The following SATB2 variants were observed in gnomAD, a reference collection of about 807,000 sequenced individuals.
The protein encoded by SATB2 is SATB homeobox 2.
SATB2 carries 1 observed loss-of-function variant against 73.4 expected under a neutral mutation model. The ratio of observed to expected loss-of-function variants is 0.01; its 90% CI spans 0.00 to 0.06. SATB2 has a LOEUF of 0.06. Ranked by LOEUF, SATB2 falls within the 10% of genes least tolerant of loss-of-function variation. The probability of loss-of-function intolerance (pLI) is 1.00; values close to 1 mark genes in which losing one functional copy is unlikely to be tolerated. For missense variants in SATB2, 459 were observed against 945.8 expected, an observed-to-expected ratio of 0.49 and a Z score of 6.75; for synonymous variants, 397 against 367.0, an observed-to-expected ratio of 1.08 and a Z score of -0.93.
At chr2:199,398,577 C>T (rs1490050232) in intron 3 of SATB2, among the ~76,000 whole-genome samples, 1 of 152,124 alleles carries the variant, frequency 6.6e-6, no homozygotes, top group East Asian at 1.9e-4. Context: ...GACCAAGTCA[C>T]CCACACTCAG....
chr2:199,413,570 G>A (rs907952348), intron 3 of SATB2, among the ~76,000 whole-genome samples: 1 of 148,444 alleles, frequency 6.7e-6, no homozygotes, highest in African/African-American at 2.5e-5. Flanking sequence ...TTTCCTACTA[G>A]AGAGTCGCTT....
chr2:199,352,535 G>A (rs1030205416), intron 6 of SATB2, among the ~76,000 whole-genome samples: 2 of 152,094 alleles, frequency 1.3e-5, no homozygotes, highest in African/African-American at 4.8e-5. Flanking sequence ...TAGTTAAGAA[G>A]AGCAACTATG....
At chr2:199,355,348 C>CTATATATATATA (rs72202602) in intron 6 of SATB2, among the ~76,000 whole-genome samples, 2,096 of 134,074 alleles carry the variant, frequency 0.016, 168 homozygotes, top group East Asian at 0.065. Flanking sequence ...GTGTGTGTAT[C>CTATATATATATA]TATATATATA....
intron 6 of SATB2, among the ~76,000 whole-genome samples, chr2:199,354,900 A>C (rs1688926081): frequency 6.6e-6 from 1 of 152,238 alleles, no homozygotes; most frequent in African/African-American, 2.4e-5. Context: ...ACAATGCTCT[A>C]ACCAAGAGCA....
intron 7 of SATB2, chr2:199,348,145 A>G (rs1688708724): frequency 6.6e-6 from 1 of 152,376 alleles, no homozygotes; most frequent in Admixed American, 6.5e-5. Flanking sequence ...ATTCTCTCAA[A>G]CATTAAAAAT....
chr2:199,307,222 T>C (rs951238649), intron 10 of SATB2, among the ~76,000 whole-genome samples: 1 of 152,152 alleles, frequency 6.6e-6, no homozygotes, highest in Non-Finnish European at 1.5e-5. Context: ...TATCAAAGAG[T>C]ATGTTATGAA....
chr2:199,415,152 A>T (rs13387074), intron 3 of SATB2, among the ~76,000 whole-genome samples: 8,003 of 152,306 alleles, frequency 0.053, 718 homozygotes, highest in African/African-American at 0.18. Flanking sequence ...GACCTGAAGC[A>T]AGAAACGCTC....
rs1480791365 is a variant in SATB2, at chr2:199,328,769, G to A, written c.1315C>T (p.Arg439Trp). Residue 439 changes from arginine (R) to tryptophan (W), a missense_variant, in exon 8 of 11, where the codon CGG becomes TGG. Transcript: ENST00000417098. ...ATGCTCACATTGGGATTCATGCTCC[G>A]CTCCCTCTCATCCTGGTAGATGCGA... ...RDRIYQDERE[R>W]SMNPNVSMVS... 6.2e-7 allele frequency: 1 copy of A among 1,613,942 alleles called. No individual in the cohort carries two copies. Among genetic ancestry groups the A allele is most frequent in the Middle Eastern group, 1.7e-4 (1 of 6,028 alleles).
At chr2:199,322,736 T>G (rs1382248441) in intron 9 of SATB2, among the ~76,000 whole-genome samples, 1 of 152,158 alleles carries the variant, frequency 6.6e-6, no homozygotes, top group African/African-American at 2.4e-5. Context: ...AAATATAACA[T>G]TTAACTACAG....
chr2:199,374,804 A>C (rs1177659667), intron 5 of SATB2, among the ~76,000 whole-genome samples: 1 of 151,998 alleles, frequency 6.6e-6, no homozygotes, highest in Non-Finnish European at 1.5e-5. Flanking sequence ...TCTCTACTAA[A>C]AACACAAAAA....
At chr2:199,364,634 G>T (rs1689231781) in intron 6 of SATB2, among the ~76,000 whole-genome samples, 1 of 151,952 alleles carries the variant, frequency 6.6e-6, no homozygotes, top group Non-Finnish European at 1.5e-5. Context: ...TCATTCTAAT[G>T]GTATTATTTT....
intron 3 of SATB2, among the ~76,000 whole-genome samples, chr2:199,408,948 T>C (rs1056119874): frequency 1.3e-5 from 2 of 152,084 alleles, no homozygotes; most frequent in Non-Finnish European, 2.9e-5. Context: ...TGGGAAAAGA[T>C]ATATTAATTA....
At chr2:199,421,275 G>C (rs1210884829) in intron 3 of SATB2, among the ~76,000 whole-genome samples, 1 of 152,174 alleles carries the variant, frequency 6.6e-6, no homozygotes, top group Non-Finnish European at 1.5e-5. Context: ...AAGGGAGACA[G>C]AGAGATGCTT....
intron 9 of SATB2, among the ~76,000 whole-genome samples, chr2:199,309,214 C>T (rs1687525765): frequency 6.6e-6 from 1 of 152,154 alleles, no homozygotes; most frequent in Non-Finnish European, 1.5e-5. Context: ...ATTGCAGTTT[C>T]TCTGTAAAAG....
intron 10 of SATB2, among the ~76,000 whole-genome samples, chr2:199,292,084 A>C (rs891879123): frequency 1.3e-5 from 2 of 152,130 alleles, no homozygotes; most frequent in Non-Finnish European, 2.9e-5. Flanking sequence ...TAAAAAAAAA[A>C]CACTTCATAG....
intron 7 of SATB2, among the ~76,000 whole-genome samples, chr2:199,329,659 A>G (rs1401244603): frequency 6.6e-6 from 1 of 152,160 alleles, no homozygotes; most frequent in Non-Finnish European, 1.5e-5. Context: ...ACGGAATGCC[A>G]TGATAGGCCC....
At chr2:199,278,858 T>G (rs1231148242) in intron 10 of SATB2, among the ~76,000 whole-genome samples, 1 of 152,208 alleles carries the variant, frequency 6.6e-6, no homozygotes, top group Non-Finnish European at 1.5e-5. Context: ...TCATCATATC[T>G]AAAAGAAATG....
rs1429462511 is a variant in SATB2 at position 199,271,096 on chromosome 2, T to TA, written c.*1114dup. 1.3e-5 allele frequency: 2 copies of TA among 152,528 alleles called. No individual in the cohort carries two copies. Among genetic ancestry groups the TA allele is most frequent in the African/African-American group, 2.4e-5 (1 of 41,412 alleles). 9.4% of individuals were successfully genotyped at this position (152,528 alleles called of 1,614,324 possible). A position where few individuals can be genotyped will look rare whatever the true frequency, so the allele number is the denominator to read the frequency against. ...AATATTACACTGAACTATTTTCTAG[T>TA]AAAAAACAAAAAGACAAAAAAACAG... On this transcript the variant is annotated 3_prime_UTR_variant, in exon 11 of 11. Coordinates refer to ENST00000417098, the MANE Select transcript of SATB2 (RefSeq NM_001172509.2).
chr2:199,466,665 T>C (rs1008437984), upstream of SATB2, among the ~76,000 whole-genome samples: 5 of 152,210 alleles, frequency 3.3e-5, no homozygotes, highest in African/African-American at 1.2e-4. Context: ...CCACCATTGG[T>C]CCCATCCTGG....
Sources: allele counts gnomAD v4.1 joint callset (sites outside exome capture counted in the v4.1 genomes callset), GRCh38; gene constraint gnomAD v4.1.1; transcripts MANE v1.5; gene names NCBI Gene and HGNC (gene_info 2026-07-23, HGNC 2026-07-21).